Variants in FCRL5 observed in about 807,000 individuals in gnomAD.
FCRL5 encodes the protein Fc receptor like 5.
FCRL5 carries 79 observed loss-of-function variants against 92.1 expected under a neutral mutation model. The ratio of observed to expected loss-of-function variants is 0.86; its 90% CI spans 0.72 to 1.03. FCRL5 has a LOEUF of 1.03. FCRL5 is among the 50% of genes least tolerant of loss of function. The probability of loss-of-function intolerance (pLI) is 0.00; values close to 1 mark genes in which losing one functional copy is unlikely to be tolerated. For missense variants in FCRL5, 1,160 were observed against 1,181.1 expected, an observed-to-expected ratio of 0.98 and a Z score of 0.26; for synonymous variants, 466 against 469.3, an observed-to-expected ratio of 0.99 and a Z score of 0.09.
Position 157,544,955 on chromosome 1 carries a change from A to C in FCRL5, c.435T>G (p.Leu145=). 1 of 1,614,224 alleles carries C rather than the reference A, an allele frequency of 6.2e-7. No individual in the cohort carries two copies. The highest frequency in any genetic ancestry group is 8.5e-7 in the Non-Finnish European group (1 of 1,180,018). Residue 145 remains leucine, a synonymous_variant, in exon 4 of 17, where the codon CTT becomes CTG. Coordinates refer to ENST00000361835, the MANE Select transcript of FCRL5 (RefSeq NM_031281.3). The part of the protein sequence containing the change: ...IYKNDNVLAF[L]NKRTDFHIPH... ...GAATATGGAAGTCAGTTCTTTTATTAAGGAATGCCAGGACATTATCATTCT... is the reference window on the plus strand; with the variant it reads ...GAATATGGAAGTCAGTTCTTTTATTCAGGAATGCCAGGACATTATCATTCT...
In FCRL5 at chr1:157,518,455, A is replaced by T; in HGVS notation, c.2786T>A (p.Ile929Asn). 1 of 1,614,180 alleles carries T rather than the reference A, an allele frequency of 6.2e-7. No individual in the cohort carries two copies. The change falls in exon 15 of 17, where the codon ATC (isoleucine) becomes AAC (asparagine). Residue 929 changes from isoleucine to asparagine, a missense_variant. Physicochemically the swap from Ile to Asn is moderately radical, Grantham distance 149. Coordinates refer to ENST00000361835, the MANE Select transcript of FCRL5 (RefSeq NM_031281.3). ...TGCATGTTTCTTTTTCTCTTGGATGATCCGTACTTCTGAGTAAACCACATT... is the reference window on the plus strand; with the variant it reads ...TGCATGTTTCTTTTTCTCTTGGATGTTCCGTACTTCTGAGTAAACCACATT... ...GENVVYSEVR[I>N]IQEKKKHAVA...
Position 157,544,353 on chromosome 1 carries a change from C to T in FCRL5, c.753G>A (p.Trp251Ter), listed in dbSNP as rs1028631113. 1 of 1,614,086 alleles carries T rather than the reference C, an allele frequency of 6.2e-7. No homozygotes were observed. Among genetic ancestry groups the T allele is most frequent in the Non-Finnish European group, 8.5e-7 (1 of 1,180,042 alleles). ...LSPNFQITAM[W>*]SKDSGFYWCK... ...ACCAGTAGAACCCTGAATCTTTACT[C>T]CACATGGCAGTAATCTGGAAATTCG... Residue 251 changes from tryptophan (W) to a stop codon, truncating the protein, a stop_gained, in exon 5 of 17, where the codon TGG (tryptophan) becomes TGA (stop). Coordinates refer to ENST00000361835, the MANE Select transcript of FCRL5 (RefSeq NM_031281.3). LOFTEE classifies it high-confidence loss of function.
chr1:157,515,188 C>A lies in FCRL5; in HGVS notation c.*487G>T. 4.5e-6 allele frequency: 1 copy of A among 224,386 alleles called. No homozygotes were observed. Among genetic ancestry groups the A allele is most frequent in the South Asian group, 7.8e-5 (1 of 12,744 alleles). The allele number at this position is 224,386 out of a possible 1,614,324, so 13.9% of individuals were successfully genotyped here. On this transcript the variant is annotated 3_prime_UTR_variant, in exon 17 of 17. Coordinates refer to ENST00000361835, the MANE Select transcript of FCRL5 (RefSeq NM_031281.3). ...CCCATGTGCACAGGCTGTGTGCTGTCCCATTTGGCAGCACACTGCAGTAGC... is the reference window on the plus strand; with the variant it reads ...CCCATGTGCACAGGCTGTGTGCTGTACCATTTGGCAGCACACTGCAGTAGC...
At chr1:157,535,943 G>GC (rs1650947223) in intron 7 of FCRL5, among the ~76,000 whole-genome samples, 1 of 90,008 alleles carries the variant, frequency 1.1e-5, no homozygotes, top group African/African-American at 3.8e-5. Flanking sequence ...ATGTGACTCA[G>GC]TTTTTTTTTT....
intron 8 of FCRL5, chr1:157,534,296 A>T: frequency 1.4e-6 from 1 of 697,810 alleles, no homozygotes; most frequent in East Asian, 2.7e-5. Flanking sequence ...TTAATATGTA[A>T]ATGTCAGTAG....
chr1:157,545,526 T>TG, intron 3 of FCRL5, among the ~76,000 whole-genome samples: 1 of 139,542 alleles, frequency 7.2e-6, no homozygotes, highest in Non-Finnish European at 1.5e-5. Flanking sequence ...TAATGAGTTT[T>TG]TTTTTTTTTT....
chr1:157,545,434 C>A (rs1558141807), intron 3 of FCRL5, among the ~76,000 whole-genome samples: 1 of 151,342 alleles, frequency 6.6e-6, no homozygotes, highest in Non-Finnish European at 1.5e-5. Flanking sequence ...GCTATGAACA[C>A]TTTCCTACAT....
intron 9 of FCRL5, 140 bp from the exon 10 acceptor site, chr1:157,524,697 G>C: frequency 4.2e-6 from 4 of 949,318 alleles, no homozygotes; most frequent in Non-Finnish European, 6.2e-6. Context: ...AATATTTTCA[G>C]ATCTCCAGAA....
intron 6 of FCRL5, among the ~76,000 whole-genome samples, chr1:157,541,460 A>G (rs1188176447): frequency 6.6e-6 from 1 of 152,182 alleles, no homozygotes; most frequent in Non-Finnish European, 1.5e-5. Context: ...TTCCTCTCCA[A>G]CCTTATCCTA....
At position 157,543,082 on chromosome 1, in the gene FCRL5, C is replaced by T. The variant is rs3811031; in HGVS notation, c.900G>A (p.Glu300=). The T allele has an allele frequency of 4.3e-6, 7 of 1,614,194 alleles. No individual in the cohort carries two copies. In the East Asian group the frequency reaches 1.6e-4, roughly 36 times the overall value. The change falls in exon 6 of 17, where the codon GAG becomes GAA. Residue 300 remains glutamate, a synonymous_variant. Transcript: ENST00000361835. ...CACAGTGAAGTGTCACCTTGGTTCC[C>T]TCAAAATTCAGAGCCTTTTCAGGGC... ...TLSPEKALNF[E]GTKVTLHCET...
chr1:157,539,793 G>C (rs932654269), intron 6 of FCRL5, among the ~76,000 whole-genome samples: 4 of 152,198 alleles, frequency 2.6e-5, no homozygotes, highest in Non-Finnish European at 5.9e-5. Flanking sequence ...AAGGAAGACA[G>C]AAGTGACTAT....
At chr1:157,530,115 T>G (rs963450950) in intron 8 of FCRL5, among the ~76,000 whole-genome samples, 1 of 152,248 alleles carries the variant, frequency 6.6e-6, no homozygotes, top group East Asian at 1.9e-4. Context: ...ATCTTTTCTA[T>G]GTATAAGTAC....
At chr1:157,518,895 G>C in intron 13 of FCRL5, 113 bp from the exon 14 acceptor site, 9 of 723,558 alleles carry the variant, frequency 1.2e-5, no homozygotes. Context: ...CTGGAAACAT[G>C]AACAAGTACA....
rs1286951582 is a variant in FCRL5 at position 157,515,417 on chromosome 1, A to G, written c.*258T>C. 1.7e-6 allele frequency: 1 copy of G among 577,790 alleles called. No homozygotes were observed. The highest frequency in any genetic ancestry group is 3.0e-6 in the Non-Finnish European group (1 of 335,386). The allele number at this position is 577,790 out of a possible 1,614,324, so 35.8% of individuals were successfully genotyped here. On this transcript the variant is annotated 3_prime_UTR_variant, in exon 17 of 17. Transcript: ENST00000361835. ...ACAGCTGAAGCCCACTAAGGAATCCAGGAGATGTGCTGGGCCCTGGAGTGG... is the reference window on the plus strand; with the variant it reads ...ACAGCTGAAGCCCACTAAGGAATCCGGGAGATGTGCTGGGCCCTGGAGTGG...
At chr1:157,526,293 C>T (rs1400935080) in intron 9 of FCRL5, among the ~76,000 whole-genome samples, 2 of 152,090 alleles carry the variant, frequency 1.3e-5, no homozygotes, top group Admixed American at 1.3e-4. Context: ...TGAAGGTCAT[C>T]GGTGACCTTT....
chr1:157,544,769 C>G (rs1651449364), intron 4 of FCRL5, 62 bp downstream of exon 4: 1 of 1,598,630 alleles, frequency 6.3e-7, no homozygotes, highest in South Asian at 1.1e-5. Context: ...CCTGTTCTAT[C>G]TCTATGACCC....
In FCRL5 at chr1:157,544,963, C is replaced by A. The variant is rs1571109651; in HGVS notation, c.427G>T (p.Ala143Ser). ...AAGTCAGTTCTTTTATTAAGGAATG[C>A]CAGGACATTATCATTCTTGTAAATA... ...NTIYKNDNVLAFLNKRTDFHI... is the reference protein window; with the variant it reads ...NTIYKNDNVLSFLNKRTDFHI... The change falls in exon 4 of 17, where the codon GCA becomes TCA. Residue 143 changes from alanine (A) to serine (S), a missense_variant. Physicochemically the swap from Ala to Ser is moderately conservative, Grantham distance 99. Coordinates refer to ENST00000361835, the MANE Select transcript of FCRL5 (RefSeq NM_031281.3). 1 of 1,614,186 alleles carries A rather than the reference C, an allele frequency of 6.2e-7. No individual in the cohort carries two copies. Among genetic ancestry groups the A allele is most frequent in the African/African-American group, 1.3e-5 (1 of 75,034 alleles).
At chr1:157,550,790 G>T (rs1651776994) in intron 1 of FCRL5, among the ~76,000 whole-genome samples, 1 of 152,164 alleles carries the variant, frequency 6.6e-6, no homozygotes, top group African/African-American at 2.4e-5. Context: ...TTGAGAAATG[G>T]GTAATGAAGA....
At chr1:157,524,701 TC>T in intron 9 of FCRL5, 144 bp from the exon 10 acceptor site, 1 of 918,812 alleles carries the variant, frequency 1.1e-6, no homozygotes, top group Non-Finnish European at 1.6e-6. Context: ...TTTTCAGATC[TC>T]CAGAAAGAAC....
Sources: allele counts gnomAD v4.1 joint callset (sites outside exome capture counted in the v4.1 genomes callset), GRCh38; gene constraint gnomAD v4.1.1; transcripts MANE v1.5; gene names NCBI Gene and HGNC (gene_info 2026-07-23, HGNC 2026-07-21).